The following ZNF608 variants were observed in gnomAD, a reference collection of about 807,000 sequenced individuals.
The protein encoded by ZNF608 is zinc finger protein 608.
Under a neutral mutation model 109.0 loss-of-function variants are expected in ZNF608, and 12 were observed. That is an observed-to-expected ratio of 0.11 (90% confidence interval 0.07 to 0.18). The LOEUF (loss-of-function observed/expected upper bound fraction) is 0.18. Among genes scored for constraint, ZNF608 ranks in the 10% least tolerant of loss-of-function variants. The probability of loss-of-function intolerance (pLI) is 1.00; values close to 1 mark genes in which losing one functional copy is unlikely to be tolerated. For synonymous variants in ZNF608, 732 were observed against 717.4 expected, an observed-to-expected ratio of 1.02 and a Z score of -0.33; for missense variants, 1,707 against 1,879.3, an observed-to-expected ratio of 0.91 and a Z score of 1.70.
At chr5:124,693,529 A>C (rs926057677) in intron 3 of ZNF608, among the ~76,000 whole-genome samples, 3 of 152,252 alleles carry the variant, frequency 2.0e-5, no homozygotes, top group Non-Finnish European at 4.4e-5. Context: ...ACAAAAAAAG[A>C]GGTAACAATG....
intron 2 of ZNF608, among the ~76,000 whole-genome samples, chr5:124,718,079 A>T (rs1466093013): frequency 6.6e-6 from 1 of 152,120 alleles, no homozygotes; most frequent in Non-Finnish European, 1.5e-5. Context: ...ACATTCTGCA[A>T]ACTTCCTTGC....
intron 3 of ZNF608, among the ~76,000 whole-genome samples, chr5:124,697,173 C>T (rs1052033551): frequency 4.8e-5 from 7 of 146,236 alleles, no homozygotes; most frequent in African/African-American, 5.1e-5. Context: ...AAATAACGGT[C>T]GGAATAACGG....
Position 124,744,428 on chromosome 5 carries a change from T to C in ZNF608, c.562A>G (p.Lys188Glu). The change falls in exon 2 of 10, where the codon AAA becomes GAA. Residue 188 changes from lysine to glutamate, a missense_variant. Physicochemically the swap from Lys to Glu is moderately conservative, Grantham distance 56 (BLOSUM62 1). Coordinates refer to ENST00000513986, the MANE Select transcript of ZNF608 (RefSeq NM_020747.3). This position sits in a 1 kb window ranked among gnomAD's most constrained non-coding sequence, Gnocchi z 4.5. ...TGGCTTTTACCTGGCTTCTCCTCTT[T>C]GCTTTTCCCACAGGAGCCTGCCCCC... ...TAGAGSCGKS[K>E]EEKPGKSQSS... 6.2e-7 allele frequency: 1 copy of C among 1,614,250 alleles called. No individual in the cohort carries two copies. The highest frequency in any genetic ancestry group is 8.5e-7 in the Non-Finnish European group (1 of 1,180,040).
chr5:124,675,976 C>T (rs1751931387), intron 3 of ZNF608, among the ~76,000 whole-genome samples: 3 of 152,100 alleles, frequency 2.0e-5, no homozygotes, highest in African/African-American at 7.2e-5. Context: ...GTATCTCTGC[C>T]AAGAGCTAAA....
At chr5:124,679,581 T>C (rs1161800918) in intron 3 of ZNF608, among the ~76,000 whole-genome samples, 1 of 152,154 alleles carries the variant, frequency 6.6e-6, no homozygotes, top group Non-Finnish European at 1.5e-5. Flanking sequence ...ATCAATGTGA[T>C]ATTTAAAATC....
intron 3 of ZNF608, among the ~76,000 whole-genome samples, chr5:124,685,307 T>C (rs2149830604): frequency 6.6e-6 from 1 of 152,312 alleles, no homozygotes; most frequent in African/African-American, 2.4e-5. Context: ...TTGTTGCTTT[T>C]CATTAATGAT....
chr5:124,686,463 G>A (rs892958524), intron 3 of ZNF608, among the ~76,000 whole-genome samples: 3 of 152,192 alleles, frequency 2.0e-5, no homozygotes, highest in Admixed American at 6.5e-5. Context: ...GCTTCAAGAG[G>A]GAGCCAAGCC....
chr5:124,729,950 A>G (rs980197601), intron 2 of ZNF608, among the ~76,000 whole-genome samples: 3 of 152,260 alleles, frequency 2.0e-5, no homozygotes, highest in Admixed American at 2.0e-4. Context: ...TTATGCACGC[A>G]CATTCAGGCT....
chr5:124,692,710 T>C (rs1208733718), intron 3 of ZNF608, among the ~76,000 whole-genome samples: 1 of 152,162 alleles, frequency 6.6e-6, no homozygotes, highest in Non-Finnish European at 1.5e-5. Context: ...AACCACAGTG[T>C]GTTCAAATTC....
At chr5:124,682,188 G>A (rs1053348656) in intron 3 of ZNF608, among the ~76,000 whole-genome samples, 4 of 152,034 alleles carry the variant, frequency 2.6e-5, no homozygotes, top group Non-Finnish European at 5.9e-5. Flanking sequence ...TTCTCCTACC[G>A]CAGCCTCCCC....
At chr5:124,710,422 G>A (rs1162574242) in intron 2 of ZNF608, 1 of 365,492 alleles carries the variant, frequency 2.7e-6, no homozygotes, top group African/African-American at 2.1e-5. Flanking sequence ...ACAAGGAAGT[G>A]CCTGAGTCAC....
intron 2 of ZNF608, among the ~76,000 whole-genome samples, chr5:124,712,358 G>T (rs1389335219): frequency 1.3e-5 from 2 of 152,158 alleles, no homozygotes; most frequent in African/African-American, 4.8e-5. Flanking sequence ...ACGTCTATCA[G>T]GCGAATGGAC....
At chr5:124,715,374 A>T (rs1048421683) in intron 2 of ZNF608, among the ~76,000 whole-genome samples, 1 of 152,226 alleles carries the variant, frequency 6.6e-6, no homozygotes, top group Admixed American at 6.5e-5. Context: ...TTATTTTTAC[A>T]AATGTGTCTA....
At chr5:124,731,199 T>C (rs1459487814) in intron 2 of ZNF608, among the ~76,000 whole-genome samples, 1 of 152,212 alleles carries the variant, frequency 6.6e-6, no homozygotes, top group Non-Finnish European at 1.5e-5. Context: ...TTAGTGACTA[T>C]GGCAGTGTTA....
chr5:124,648,795 G>A lies in ZNF608; in HGVS notation c.1589C>T (p.Thr530Ile), dbSNP rs778800070. The stretch of plus-strand genomic sequence containing the variant: ...TGGTTTCCCTTGAGGGGTAGTGGGA[G>A]TGCTTCTGGAATTTGTGCGGACACG... ...GKRVRTNSRSTPTTPQGKPET... is the reference protein window; with the variant it reads ...GKRVRTNSRSIPTTPQGKPET... Residue 530 changes from threonine (T) to isoleucine (I), a missense_variant, in exon 5 of 10, where the codon ACT becomes ATT. Transcript: ENST00000513986. 1.2e-6 allele frequency: 2 copies of A among 1,614,246 alleles called. No homozygotes were observed. The highest frequency in any genetic ancestry group is 2.2e-5 in the South Asian group (2 of 91,088).
At chr5:124,739,665 T>C (rs1749298501) in intron 2 of ZNF608, among the ~76,000 whole-genome samples, 1 of 152,214 alleles carries the variant, frequency 6.6e-6, no homozygotes, top group South Asian at 2.1e-4. Flanking sequence ...TGCAGGAACA[T>C]GTGTTTTCAC....
chr5:124,668,051 C>T (rs1266308856), intron 3 of ZNF608, among the ~76,000 whole-genome samples: 1 of 151,662 alleles, frequency 6.6e-6, no homozygotes, highest in Non-Finnish European at 1.5e-5. Flanking sequence ...AAAATAAACA[C>T]CAACAAACAA....
At chr5:124,646,371 A>C (rs1030584282) in intron 5 of ZNF608, among the ~76,000 whole-genome samples, 7 of 152,170 alleles carry the variant, frequency 4.6e-5, no homozygotes. Flanking sequence ...AAATTTAAAA[A>C]ATTTAAAAAA....
At chr5:124,738,921 C>G (rs191027514) in intron 2 of ZNF608, among the ~76,000 whole-genome samples, 1 of 152,260 alleles carries the variant, frequency 6.6e-6, no homozygotes, top group East Asian at 1.9e-4. Flanking sequence ...CACTTGTTAA[C>G]AAAAAACACA....
Sources: gnomAD v4.1 joint callset for allele counts (sites outside exome capture counted in the v4.1 genomes callset) on GRCh38, gnomAD v4.1.1 for gene constraint, Gnocchi (gnomAD v3.1) non-coding constraint, MANE v1.5 for transcripts, NCBI Gene and HGNC (gene_info 2026-07-23, HGNC 2026-07-21) for gene names.